Variants in HTR2A observed in about 807,000 individuals in gnomAD.
HTR2A encodes 5-hydroxytryptamine receptor 2A.
Under a neutral mutation model 31.0 loss-of-function variants are expected in HTR2A, and 14 were observed. The ratio of observed to expected loss-of-function variants is 0.45; its 90% CI spans 0.30 to 0.71. The LOEUF (loss-of-function observed/expected upper bound fraction) is 0.71, where lower values mean the gene tolerates loss of function less well. HTR2A is among the 30% of genes least tolerant of loss of function. HTR2A has a pLI of 0.09. For synonymous variants in HTR2A, 209 were observed against 225.2 expected (o/e 0.93, Z 0.64); for missense variants, 442 against 573.3 (o/e 0.77, Z 2.34).
intron 3 of HTR2A, among the ~76,000 whole-genome samples, chr13:46,857,962 G>T (rs1950751405): frequency 6.6e-6 from 1 of 152,264 alleles, no homozygotes; most frequent in Admixed American, 6.5e-5. Context: ...GTGGATTAGA[G>T]GGAAACTAGA....
At chr13:46,884,581 G>A (rs763484783) in intron 3 of HTR2A, among the ~76,000 whole-genome samples, 3 of 152,092 alleles carry the variant, frequency 2.0e-5, no homozygotes, top group Admixed American at 6.6e-5. Context: ...GGAGAATGGC[G>A]TGAACCTGGG....
rs886736692 is a variant in HTR2A at position 46,896,129 on chromosome 13, T to C, written c.-223A>G. On this transcript the variant is annotated 5_prime_UTR_variant, in exon 2 of 4. Transcript: ENST00000542664. ...CATTCACAATTTTAGGAGAGTCCAC[T>C]GTTTGGTTTTATTATTTTCTCACCA... 3 of 1,274,864 alleles carry C rather than the reference T, an allele frequency of 2.4e-6. No individual in the cohort carries two copies. The highest frequency in any genetic ancestry group is 3.1e-5 in the African/African-American group (2 of 65,380). The allele number at this position is 1,274,864 out of a possible 1,614,324, so 79.0% of individuals were successfully genotyped here. A position where few individuals can be genotyped will look rare whatever the true frequency, so the allele number is the denominator to read the frequency against.
At chr13:46,839,092 A>G (rs1323248678) in intron 3 of HTR2A, among the ~76,000 whole-genome samples, 2 of 152,028 alleles carry the variant, frequency 1.3e-5, no homozygotes, top group East Asian at 1.9e-4. Flanking sequence ...AATGCCCGGG[A>G]TAAAAAGCCA....
At chr13:46,864,513 C>T (rs1950805060) in intron 3 of HTR2A, among the ~76,000 whole-genome samples, 1 of 152,140 alleles carries the variant, frequency 6.6e-6, no homozygotes, top group African/African-American at 2.4e-5. Context: ...TTTCTAGGAC[C>T]AAGGAGCCAT....
At chr13:46,855,655 T>A (rs1293617072) in intron 3 of HTR2A, among the ~76,000 whole-genome samples, 1 of 152,160 alleles carries the variant, frequency 6.6e-6, no homozygotes, top group Non-Finnish European at 1.5e-5. Context: ...TAAGGTGGGA[T>A]GGCCAGCAGG....
At chr13:46,847,946 A>G (rs914213876) in intron 3 of HTR2A, among the ~76,000 whole-genome samples, 1 of 152,082 alleles carries the variant, frequency 6.6e-6, no homozygotes, top group South Asian at 2.1e-4. Context: ...CTCTTGTCTT[A>G]CCCACTGTTT....
chr13:46,863,630 G>GACAAAAAA (rs1950796760), intron 3 of HTR2A, among the ~76,000 whole-genome samples: 1 of 59,254 alleles, frequency 1.7e-5, no homozygotes, highest in Non-Finnish European at 2.9e-5. Context: ...CCCTCAAAAT[G>GACAAAAAA]AAAAAAAAAA....
rs576332544 is a variant in HTR2A at position 46,892,720 on chromosome 13, A to T, written c.413-130T>A. ...GCAAAGGGCAACACAATATATTTTT[A>T]GTATTTGAAAAAAGCCCACTGGCAA... On this transcript the variant is annotated intron_variant, in intron 2 of 3. Coordinates refer to ENST00000542664, the MANE Select transcript of HTR2A (RefSeq NM_000621.5). 9 of 699,180 alleles carry T rather than the reference A, an allele frequency of 1.3e-5. No individual in the cohort carries two copies. The African/African-American group carries it at 1.6e-4, about 12-fold the overall frequency. 43.3% of individuals were successfully genotyped at this position (699,180 alleles called of 1,614,324 possible). A position where few individuals can be genotyped will look rare whatever the true frequency, so the allele number is the denominator to read the frequency against.
chr13:46,884,386 A>T (rs1950989783), intron 3 of HTR2A, among the ~76,000 whole-genome samples: 1 of 152,246 alleles, frequency 6.6e-6, no homozygotes, highest in South Asian at 2.1e-4. Flanking sequence ...AAGATCTTCA[A>T]AATATTCTGC....
At chr13:46,889,252 G>A (rs1229435033) in intron 3 of HTR2A, among the ~76,000 whole-genome samples, 1 of 152,050 alleles carries the variant, frequency 6.6e-6, no homozygotes, top group Non-Finnish European at 1.5e-5. Flanking sequence ...GATATAAAGT[G>A]GGACAGTTAA....
rs372835244 is a variant in HTR2A at position 46,881,081 on chromosome 13, C to T, written c.613+11309G>A. On this transcript the variant is annotated intron_variant, in intron 3 of 3. Coordinates refer to ENST00000542664, the MANE Select transcript of HTR2A (RefSeq NM_000621.5). Reference sequence around the variant, plus strand: ...ACTTCTTATCCATGGGTTAATGTCCCGAAGGACAACCGAGGACATGTCTTT... The same window carrying T: ...ACTTCTTATCCATGGGTTAATGTCCTGAAGGACAACCGAGGACATGTCTTT... Among the ~76,000 whole-genome samples the T allele has an allele frequency of 3.7e-4, 57 of 152,262 alleles. No individual in the cohort carries two copies. In the East Asian group the frequency reaches 6.8e-3, roughly 18 times the overall value.
At chr13:46,872,468 C>A (rs557119630) in intron 3 of HTR2A, among the ~76,000 whole-genome samples, 22 of 117,856 alleles carry the variant, frequency 1.9e-4, no homozygotes, top group Non-Finnish European at 3.9e-4. Flanking sequence ...GAGTTTCAGG[C>A]TAGCTTCTCT....
chr13:46,896,820 T>A lies in HTR2A; in HGVS notation c.-475A>T, dbSNP rs1378867569. The stretch of plus-strand genomic sequence containing the variant: ...GTAATTTGGTTTCTGTTTTGCTGAC[T>A]TCAAAAACTGCATGCAAGAGCTGAG... On this transcript the variant is annotated 5_prime_UTR_variant, in exon 1 of 4. It adds an upstream start codon to the 5' untranslated region. Transcript: ENST00000542664. 1.3e-6 allele frequency: 2 copies of A among 1,537,034 alleles called. No individual in the cohort carries two copies. The highest frequency in any genetic ancestry group is 1.7e-6 in the Non-Finnish European group (2 of 1,146,840).
In HTR2A at chr13:46,835,635, T is replaced by C. The variant is rs1238138714; in HGVS notation, c.618A>G (p.Ile206Met). 2 of 1,606,628 alleles carry C rather than the reference T, an allele frequency of 1.2e-6. No individual in the cohort carries two copies. Among genetic ancestry groups the C allele is most frequent in the Non-Finnish European group, 8.5e-7 (1 of 1,175,452 alleles). The change falls in exon 4 of 4, where the codon ATA (isoleucine) becomes ATG (methionine). Residue 206 changes from isoleucine to methionine, a missense_variant. Transcript: ENST00000542664. ...IIAVWTISVGISMPIPVFGLQ... is the reference protein window; with the variant it reads ...IIAVWTISVGMSMPIPVFGLQ... Reference sequence around the variant, plus strand: ...GCCCAAAGACTGGTATTGGCATGGATATACCTGGAGTTGAACAGAAAATGA... The same window carrying C: ...GCCCAAAGACTGGTATTGGCATGGACATACCTGGAGTTGAACAGAAAATGA...
rs145884768 is a variant in HTR2A at position 46,863,982 on chromosome 13, G to T, written c.614-28343C>A. On this transcript the variant is annotated intron_variant, in intron 3 of 3. Transcript: ENST00000542664. The stretch of plus-strand genomic sequence containing the variant: ...CACATGCACACATATATTCATTGCA[G>T]CACTATTCACAATAGCAGAGACATG... Among the ~76,000 whole-genome samples the T allele has an allele frequency of 5.3e-3, 800 of 152,128 alleles. 5 individuals are homozygous for T. Among genetic ancestry groups the T allele is most frequent in the African/African-American group, 0.018 (728 of 41,506 alleles).
intron 3 of HTR2A, among the ~76,000 whole-genome samples, chr13:46,840,753 T>C (rs1950591226): frequency 6.6e-6 from 1 of 152,214 alleles, no homozygotes; most frequent in Admixed American, 6.5e-5. Flanking sequence ...CTTCAGGAAG[T>C]CTATGATAAT....
intron 3 of HTR2A, among the ~76,000 whole-genome samples, chr13:46,857,388 C>T (rs1269716970): frequency 4.6e-5 from 7 of 151,856 alleles, no homozygotes; most frequent in Admixed American, 2.6e-4. Flanking sequence ...TAATGAGGGT[C>T]GGTTTGCCCA....
Position 46,851,684 on chromosome 13 carries a change from T to C in HTR2A, c.614-16045A>G, listed in dbSNP as rs75141494. 3.6e-3 allele frequency among the ~76,000 whole-genome samples: 548 copies of C among 152,320 alleles called. 2 individuals carry two copies. The highest frequency in any genetic ancestry group is 0.013 in the African/African-American group (528 of 41,586). ...AAAGGCAGTTGTGGATCCAGCCAAATAAGCTGCAAACTTCCCGATGATATA... is the reference window on the plus strand; with the variant it reads ...AAAGGCAGTTGTGGATCCAGCCAAACAAGCTGCAAACTTCCCGATGATATA... On this transcript the variant is annotated intron_variant, in intron 3 of 3. Coordinates refer to ENST00000542664, the MANE Select transcript of HTR2A (RefSeq NM_000621.5).
intron 3 of HTR2A, among the ~76,000 whole-genome samples, chr13:46,888,638 A>G (rs1324839348): frequency 6.6e-6 from 1 of 152,234 alleles, no homozygotes; most frequent in Non-Finnish European, 1.5e-5. Context: ...ATGAAAATGA[A>G]GAAAGCAATA....
Sources: gnomAD v4.1 joint callset for allele counts (sites outside exome capture counted in the v4.1 genomes callset) on GRCh38, gnomAD v4.1.1 for gene constraint, MANE v1.5 for transcripts, NCBI Gene and HGNC (gene_info 2026-07-23, HGNC 2026-07-21) for gene names.